CNOT3: variants seen among roughly 807,000 people sequenced by gnomAD.
CNOT3 encodes CCR4-associated factor 3.
In CNOT3, 2 loss-of-function variants were observed where a neutral mutation model predicts 89.4. The ratio of observed to expected loss-of-function variants is 0.02; its 90% CI spans 0.01 to 0.07. The LOEUF (loss-of-function observed/expected upper bound fraction) is 0.07. CNOT3 is among the 10% of genes least tolerant of loss of function. The probability of loss-of-function intolerance (pLI) is 1.00; values close to 1 mark genes in which losing one functional copy is unlikely to be tolerated. For missense variants in CNOT3, 664 were observed against 1,010.2 expected, an observed-to-expected ratio of 0.66 and a Z score of 4.65; for synonymous variants, 486 against 402.0, an observed-to-expected ratio of 1.21 and a Z score of -2.50.
chr19:54,146,104 A>C, intron 9 of CNOT3, 61 bp downstream of exon 9: 1 of 1,585,472 alleles, frequency 6.3e-7, no homozygotes, highest in South Asian at 1.1e-5. Flanking sequence ...CGAGGAGACA[A>C]ATCTGGGTCA....
At chr19:54,139,022 C>T (rs1600396512) in intron 1 of CNOT3, among the ~76,000 whole-genome samples, 1 of 152,160 alleles carries the variant, frequency 6.6e-6, no homozygotes, top group East Asian at 1.9e-4. Flanking sequence ...CTGGGGGCTG[C>T]TGGGATCCCC....
At chr19:54,152,010 C>G (rs1030793841) in intron 13 of CNOT3, among the ~76,000 whole-genome samples, 3 of 152,232 alleles carry the variant, frequency 2.0e-5, no homozygotes, top group African/African-American at 7.2e-5. Context: ...CAGAGTCCCA[C>G]TCACGAGACG....
intron 1 of CNOT3, among the ~76,000 whole-genome samples, chr19:54,138,998 C>T (rs1485740943): frequency 6.6e-6 from 1 of 152,210 alleles, no homozygotes; most frequent in African/African-American, 2.4e-5. Context: ...ATCAGGACCA[C>T]TGTGGTCTTG....
chr19:54,143,571 G>A (rs1181883717), intron 4 of CNOT3, 55 bp downstream of exon 4: 4 of 1,606,898 alleles, frequency 2.5e-6, no homozygotes, highest in Non-Finnish European at 8.5e-7. Flanking sequence ...GGAACTGGGA[G>A]AGTGGACTGC....
At position 54,152,510 on chromosome 19, in the gene CNOT3, G is replaced by A. The variant is rs765742054; in HGVS notation, c.1788G>A (p.Ser596=). The A allele has an allele frequency of 6.5e-5, 105 of 1,614,058 alleles. No homozygotes were observed. Among genetic ancestry groups the A allele is most frequent in the Non-Finnish European group, 7.7e-5 (91 of 1,180,036 alleles). The change falls in exon 15 of 18, where the codon TCG becomes TCA. Residue 596 remains serine, a synonymous_variant. Coordinates refer to ENST00000221232, the MANE Select transcript of CNOT3 (RefSeq NM_014516.4). ...LQLSEVNIPL[S]LGVCPLGPVP... ...TGTCAGAGGTGAACATACCGCTGTC[G>A]CTGGGTGTCTGTCCACTGGGCCCTG...
intron 17 of CNOT3, chr19:54,154,901 T>C (rs574441303): frequency 1.3e-3 from 241 of 179,538 alleles, no homozygotes; most frequent in African/African-American, 5.4e-3. Flanking sequence ...ACTCTGAGAC[T>C]GTTCCATTCT....
chr19:54,142,851 A>G (rs1414949698), intron 1 of CNOT3, 78 bp from the exon 2 acceptor site: 10 of 909,944 alleles, frequency 1.1e-5, no homozygotes, highest in East Asian at 2.4e-5. Context: ...CTACCTCACT[A>G]TGCTGACTAG....
chr19:54,154,985 C>G, intron 17 of CNOT3: 1 of 406,478 alleles, frequency 2.5e-6, no homozygotes, highest in Non-Finnish European at 4.4e-6. Context: ...GCATCCTGTA[C>G]TCACGTGAGA....
chr19:54,153,145 GC>G (rs1471374744), intron 16 of CNOT3, 146 bp downstream of exon 16: 1 of 775,118 alleles, frequency 1.3e-6, no homozygotes, highest in South Asian at 1.4e-5. Context: ...CTGGGCCCCT[GC>G]CCCAAATCCA....
intron 1 of CNOT3, among the ~76,000 whole-genome samples, chr19:54,139,641 G>A (rs2074368473): frequency 6.6e-6 from 1 of 152,144 alleles, no homozygotes; most frequent in Non-Finnish European, 1.5e-5. Context: ...TAAGGCTGAG[G>A]ACCCCTCTCG....
In CNOT3 at chr19:54,146,059, A is replaced by G. The variant is rs1401298327; in HGVS notation, c.837+16A>G. 4 of 1,605,268 alleles carry G rather than the reference A, an allele frequency of 2.5e-6. No homozygotes were observed. In the African/African-American group the frequency reaches 4.0e-5, roughly 16 times the overall value. ...CTGTACCACGGTGAGGCCCCACGGGACACTAGTACCTTGTGTTTCCAGCAG... is the reference window on the plus strand; with the variant it reads ...CTGTACCACGGTGAGGCCCCACGGGGCACTAGTACCTTGTGTTTCCAGCAG... On this transcript the variant is annotated intron_variant, in intron 9 of 17. Transcript: ENST00000221232.
rs1476253123 is a variant in CNOT3, at chr19:54,144,203, G to C, written c.388-34G>C. 7.4e-6 allele frequency: 12 copies of C among 1,613,360 alleles called. No individual in the cohort carries two copies. Among genetic ancestry groups the C allele is most frequent in the Non-Finnish European group, 1.0e-5 (12 of 1,179,538 alleles). On this transcript the variant is annotated intron_variant, in intron 6 of 17. Coordinates refer to ENST00000221232, the MANE Select transcript of CNOT3 (RefSeq NM_014516.4). This position sits in a 1 kb window ranked among gnomAD's most constrained non-coding sequence, Gnocchi z 4.8. ...AGCCCTGGGTGTAGGCGGAACCCTAGCTGATGGGCTTCCTCTTCCTCTCCC... is the reference window on the plus strand; with the variant it reads ...AGCCCTGGGTGTAGGCGGAACCCTACCTGATGGGCTTCCTCTTCCTCTCCC...
At chr19:54,155,235 C>CT in intron 17 of CNOT3, 74 bp from the exon 18 acceptor site, 1 of 1,577,574 alleles carries the variant, frequency 6.3e-7, no homozygotes, top group Non-Finnish European at 8.6e-7. Context: ...GAATTGTCCC[C>CT]TTTGTCTGTT....
At position 54,153,856 on chromosome 19, in the gene CNOT3, CCT is replaced by C. The variant is rs772685609; in HGVS notation, c.2163+21_2163+22del. 1.1e-5 allele frequency: 18 copies of C among 1,614,094 alleles called. No individual in the cohort carries two copies. In the East Asian group the frequency reaches 1.6e-4, roughly 14 times the overall value. The stretch of plus-strand genomic sequence containing the variant: ...GTTTGAGCAGGTGAGGGCCCCGCCC[CCT>C]CTCTTCCCGCTGCTAGGGTTGGGGT... On this transcript the variant is annotated intron_variant, in intron 17 of 17. Coordinates refer to ENST00000221232, the MANE Select transcript of CNOT3 (RefSeq NM_014516.4).
intron 1 of CNOT3, chr19:54,142,642 A>G (rs199803685): frequency 3.6e-6 from 1 of 275,938 alleles, no homozygotes; most frequent in East Asian, 5.9e-5. Context: ...TATTCTGGGG[A>G]GAAGGTACTC....
chr19:54,147,415 G>A (rs2074740489), intron 10 of CNOT3, among the ~76,000 whole-genome samples: 2 of 152,190 alleles, frequency 1.3e-5, no homozygotes, highest in Admixed American at 1.3e-4. Flanking sequence ...AGGTGATGAG[G>A]AGAGACACTG....
rs760484096 is a variant in CNOT3, at chr19:54,149,679, C to A, written c.1526C>A (p.Thr509Lys). 1.2e-6 allele frequency: 2 copies of A among 1,614,120 alleles called. No homozygotes were observed. Among genetic ancestry groups the A allele is most frequent in the Non-Finnish European group, 1.7e-6 (2 of 1,179,982 alleles). ...PLPVNPPSSP[T>K]PSFSDAKAAG... ...CCTGTGAATCCTCCCAGCTCCCCAA[C>A]GCCCAGCTTCAGTGATGCCAAGGCA... Residue 509 changes from threonine to lysine, a missense_variant, in exon 13 of 18, where the codon ACG becomes AAG. By Grantham distance (78) the Thr-to-Lys change is moderately conservative. Transcript: ENST00000221232.
intron 1 of CNOT3, chr19:54,142,178 C>T (rs1336550651): frequency 1.3e-5 from 2 of 152,158 alleles, no homozygotes; most frequent in African/African-American, 4.8e-5. Context: ...TCTGTCTTCT[C>T]CCAGGTCTCT....
chr19:54,154,132 A>G (rs2075294465), intron 17 of CNOT3: 4 of 646,300 alleles, frequency 6.2e-6, no homozygotes, highest in Non-Finnish European at 1.2e-5. Flanking sequence ...AGTGCTGGGC[A>G]CACTCGCCTG....
Sources: gnomAD v4.1 joint callset for allele counts (sites outside exome capture counted in the v4.1 genomes callset) on GRCh38, gnomAD v4.1.1 for gene constraint, Gnocchi (gnomAD v3.1) non-coding constraint, MANE v1.5 for transcripts, NCBI Gene and HGNC (gene_info 2026-07-23, HGNC 2026-07-21) for gene names.